Variants in ROBO1 observed in about 807,000 individuals in gnomAD.
ROBO1 encodes the protein roundabout homolog 1.
ROBO1 carries 149 observed loss-of-function variants against 195.9 expected under a neutral mutation model. The observed-to-expected ratio is 0.76, with a 90% CI of 0.67 to 0.87. The LOEUF (loss-of-function observed/expected upper bound fraction) is 0.87. Among genes scored for constraint, ROBO1 ranks in the 40% least tolerant of loss-of-function variants. The probability of loss-of-function intolerance (pLI) is 0.00; values close to 1 mark genes in which losing one functional copy is unlikely to be tolerated. For synonymous variants in ROBO1, 816 were observed against 733.2 expected, an observed-to-expected ratio of 1.11 and a Z score of -1.82; for missense variants, 1,933 against 2,068.3, an observed-to-expected ratio of 0.93 and a Z score of 1.27.
intron 2 of ROBO1, among the ~76,000 whole-genome samples, chr3:79,429,441 G>C (rs1290022981): frequency 6.6e-6 from 1 of 152,050 alleles, no homozygotes; most frequent in East Asian, 1.9e-4. Flanking sequence ...TCACACTCAG[G>C]TTCCGGGTCA....
chr3:79,728,334 A>G (rs187806535), intron 1 of ROBO1, among the ~76,000 whole-genome samples: 1 of 152,290 alleles, frequency 6.6e-6, no homozygotes, highest in African/African-American at 2.4e-5. Flanking sequence ...TTCAGCAGCA[A>G]ATACAATATG....
chr3:79,735,866 G>A (rs1196009944), intron 1 of ROBO1, among the ~76,000 whole-genome samples: 12 of 105,308 alleles, frequency 1.1e-4, no homozygotes, highest in Admixed American at 4.4e-4. Flanking sequence ...GAGAGACTCC[G>A]TCTCAAAAAA....
chr3:78,844,639 C>A (rs563671378), intron 4 of ROBO1, among the ~76,000 whole-genome samples: 2 of 152,104 alleles, frequency 1.3e-5, no homozygotes, highest in East Asian at 3.9e-4. Context: ...GCTCTTTTAC[C>A]TCACCTGAAA....
intron 8 of ROBO1, among the ~76,000 whole-genome samples, chr3:78,712,411 T>G (rs1050933268): frequency 1.3e-5 from 2 of 152,200 alleles, no homozygotes; most frequent in African/African-American, 2.4e-5. Flanking sequence ...TAACTGGTGT[T>G]TTTCTACGTT....
At chr3:78,806,488 A>G (rs1236613367) in intron 4 of ROBO1, among the ~76,000 whole-genome samples, 1 of 152,172 alleles carries the variant, frequency 6.6e-6, no homozygotes, top group Non-Finnish European at 1.5e-5. Context: ...GACAGAGCCT[A>G]CTTAATAGTA....
At chr3:78,979,764 G>C (rs1378706448) in intron 3 of ROBO1, among the ~76,000 whole-genome samples, 3 of 151,906 alleles carry the variant, frequency 2.0e-5, no homozygotes, top group African/African-American at 7.3e-5. Context: ...AAAAAGGTGG[G>C]AGGGGGAAGT....
At chr3:78,644,947 C>T (rs182470523) in intron 21 of ROBO1, among the ~76,000 whole-genome samples, 1 of 152,230 alleles carries the variant, frequency 6.6e-6, no homozygotes, top group East Asian at 1.9e-4. Flanking sequence ...CCAGATTCAC[C>T]CACGAGAAAA....
chr3:79,151,738 C>A (rs2108640016), intron 2 of ROBO1, among the ~76,000 whole-genome samples: 1 of 151,944 alleles, frequency 6.6e-6, no homozygotes, highest in Middle Eastern at 3.4e-3. Flanking sequence ...GATCACTACA[C>A]TGAAGTGCTG....
chr3:78,634,489 G>A (rs1299435406), intron 23 of ROBO1: 5 of 369,764 alleles, frequency 1.4e-5, no homozygotes, highest in Non-Finnish European at 2.3e-5. Flanking sequence ...GTAATAATCT[G>A]TCGTCTAGTT....
intron 2 of ROBO1, among the ~76,000 whole-genome samples, chr3:79,273,552 C>T (rs1487843626): frequency 2.6e-5 from 4 of 151,816 alleles, no homozygotes; most frequent in African/African-American, 9.7e-5. Context: ...TAAAACCTAT[C>T]ACAAGATAAA....
At chr3:78,982,250 G>A (rs988521862) in intron 3 of ROBO1, among the ~76,000 whole-genome samples, 3 of 152,104 alleles carry the variant, frequency 2.0e-5, no homozygotes, top group Non-Finnish European at 4.4e-5. Context: ...TTTATGAAGA[G>A]GGGTATATAA....
intron 2 of ROBO1, among the ~76,000 whole-genome samples, chr3:79,241,875 T>C (rs948302430): frequency 6.6e-6 from 1 of 151,924 alleles, no homozygotes; most frequent in Non-Finnish European, 1.5e-5. Flanking sequence ...TCTACTCTTA[T>C]AGCAGGCACT....
In ROBO1 at chr3:79,158,761, T is replaced by C. The variant is rs1479450009; in HGVS notation, c.89-33222A>G. 2.6e-5 allele frequency among the ~76,000 whole-genome samples: 4 copies of C among 151,896 alleles called. No homozygotes were observed. The South Asian group carries it at 6.2e-4, about 24-fold the overall frequency. ...TTCATTGTGTTATTCTGTTTATTCATGAACCAGCTTCACTCTATGTTCATA... is the reference window on the plus strand; with the variant it reads ...TTCATTGTGTTATTCTGTTTATTCACGAACCAGCTTCACTCTATGTTCATA... On this transcript the variant is annotated intron_variant, in intron 2 of 30. Coordinates refer to ENST00000464233, the MANE Select transcript of ROBO1 (RefSeq NM_002941.4).
At chr3:79,116,995 C>T (rs183015317) in intron 3 of ROBO1, among the ~76,000 whole-genome samples, 15 of 152,056 alleles carry the variant, frequency 9.9e-5, no homozygotes, top group Admixed American at 3.3e-4. Flanking sequence ...TACAAAAGGC[C>T]GACTGTATTT....
chr3:78,940,601 TC>T (rs1481035579), intron 3 of ROBO1, among the ~76,000 whole-genome samples: 2 of 152,252 alleles, frequency 1.3e-5, no homozygotes, highest in Non-Finnish European at 2.9e-5. Flanking sequence ...CTTGAAGTAA[TC>T]TTACAGTAGA....
intron 1 of ROBO1, among the ~76,000 whole-genome samples, chr3:79,692,458 C>T (rs1332237431): frequency 6.6e-6 from 1 of 151,842 alleles, no homozygotes; most frequent in African/African-American, 2.4e-5. Flanking sequence ...TGTCTTCAGA[C>T]AGGAGCAAGT....
chr3:79,536,420 T>C (rs34414500), intron 2 of ROBO1, among the ~76,000 whole-genome samples: 29,909 of 151,946 alleles, frequency 0.2, 3,541 homozygotes, highest in African/African-American at 0.31. Flanking sequence ...TTCCATCGCT[T>C]TCTGTCAATA....
intron 2 of ROBO1, among the ~76,000 whole-genome samples, chr3:79,230,571 C>T (rs905262336): frequency 4.6e-5 from 7 of 151,906 alleles, no homozygotes; most frequent in African/African-American, 1.7e-4. Flanking sequence ...GCAAGATCTC[C>T]ATAACAACTA....
chr3:79,707,424 A>T (rs1947806878), intron 1 of ROBO1, among the ~76,000 whole-genome samples: 1 of 152,110 alleles, frequency 6.6e-6, no homozygotes, highest in African/African-American at 2.4e-5. Context: ...AAATTTTATT[A>T]ATATTTTCAA....
Sources: gnomAD v4.1 joint callset for allele counts (sites outside exome capture counted in the v4.1 genomes callset) on GRCh38, gnomAD v4.1.1 for gene constraint, MANE v1.5 for transcripts, NCBI Gene and HGNC (gene_info 2026-07-23, HGNC 2026-07-21) for gene names.